The following COL23A1 variants were observed in gnomAD, a reference collection of about 807,000 sequenced individuals.
The protein encoded by COL23A1 is collagen type XXIII alpha 1 chain.
COL23A1 carries 97 observed loss-of-function variants against 99.3 expected under a neutral mutation model. The ratio of observed to expected loss-of-function variants is 0.98; its 90% CI spans 0.83 to 1.16. COL23A1 has a LOEUF of 1.16. Among genes scored for constraint, COL23A1 ranks in the 50% most tolerant of loss-of-function variants. The pLI is 0.00. For synonymous variants in COL23A1, 320 were observed against 308.2 expected (o/e 1.04, Z -0.40); for missense variants, 762 against 757.4 (o/e 1.01, Z -0.07).
Position 178,291,222 on chromosome 5 carries a change from C to T in COL23A1, c.407-853G>A, listed in dbSNP as rs546861919. Among the ~76,000 whole-genome samples, 5 of 152,262 alleles carry T rather than the reference C, an allele frequency of 3.3e-5. No homozygotes were observed. In the South Asian group the frequency reaches 1.0e-3, roughly 32 times the overall value. Reference sequence around the variant, plus strand: ...AACCTCACTCGAGAATGAGGCCACACGGGGAGGCAGCACCCGGCAGTCAGC... The same window carrying T: ...AACCTCACTCGAGAATGAGGCCACATGGGGAGGCAGCACCCGGCAGTCAGC... On this transcript the variant is annotated intron_variant, in intron 3 of 28. Coordinates refer to ENST00000390654, the MANE Select transcript of COL23A1 (RefSeq NM_173465.4).
At chr5:178,563,208 C>T (rs988859142) in intron 1 of COL23A1, among the ~76,000 whole-genome samples, 1 of 152,160 alleles carries the variant, frequency 6.6e-6, no homozygotes, top group African/African-American at 2.4e-5. Flanking sequence ...GCCAGGCTTC[C>T]AGCTTCCTGC....
In COL23A1 at chr5:178,560,583, T is replaced by G. The variant is rs1762506235; in HGVS notation, c.361+99A>C. 5.6e-6 allele frequency: 6 copies of G among 1,070,922 alleles called. No individual in the cohort carries two copies. In the Admixed American group the frequency reaches 1.5e-4, roughly 27 times the overall value. The allele number at this position is 1,070,922 out of a possible 1,614,324, so 66.3% of individuals were successfully genotyped here. Reference sequence around the variant, plus strand: ...AGGCCAGTGCACGAAGACGACAGCCTGACACCCCAGTCCACCTTCCGGACC... The same window carrying G: ...AGGCCAGTGCACGAAGACGACAGCCGGACACCCCAGTCCACCTTCCGGACC... On this transcript the variant is annotated intron_variant, in intron 2 of 28. Transcript: ENST00000390654.
chr5:178,311,951 G>A (rs1041251565), intron 2 of COL23A1, among the ~76,000 whole-genome samples: 14 of 151,748 alleles, frequency 9.2e-5, no homozygotes, highest in Non-Finnish European at 1.9e-4. Flanking sequence ...GGCTGGTCTC[G>A]AACTCCTGAC....
chr5:178,538,287 G>A (rs1255238664), intron 2 of COL23A1, among the ~76,000 whole-genome samples: 1 of 152,144 alleles, frequency 6.6e-6, no homozygotes, highest in Non-Finnish European at 1.5e-5. Context: ...CTACCTAACT[G>A]GAGTGAAAAG....
chr5:178,386,612 T>C (rs1375334617), intron 2 of COL23A1, among the ~76,000 whole-genome samples: 1 of 151,992 alleles, frequency 6.6e-6, no homozygotes, highest in Non-Finnish European at 1.5e-5. Flanking sequence ...GAGTGTTTGA[T>C]AAAGTGGGGG....
chr5:178,385,521 C>T (rs971287570), intron 2 of COL23A1, among the ~76,000 whole-genome samples: 3 of 152,228 alleles, frequency 2.0e-5, no homozygotes, highest in African/African-American at 7.2e-5. Flanking sequence ...CCTGGCCGGT[C>T]TCCTCCAGGA....
intron 2 of COL23A1, among the ~76,000 whole-genome samples, chr5:178,518,950 G>A (rs1167070367): frequency 5.7e-4 from 84 of 146,648 alleles, no homozygotes; most frequent in African/African-American, 2.0e-3. Flanking sequence ...GCGGTCGGTC[G>A]CGGCAGCGGC....
intron 2 of COL23A1, among the ~76,000 whole-genome samples, chr5:178,523,183 T>TAC (rs1760071791): frequency 5.4e-5 from 2 of 37,172 alleles, no homozygotes; most frequent in African/African-American, 7.6e-5. Flanking sequence ...TATATACACA[T>TAC]ATATATATAT....
chr5:178,543,420 T>C lies in COL23A1; in HGVS notation c.361+17262A>G, dbSNP rs531422996. Among the ~76,000 whole-genome samples, 10 of 152,296 alleles carry C rather than the reference T, an allele frequency of 6.6e-5. No individual in the cohort carries two copies. In the South Asian group the frequency reaches 1.7e-3, roughly 25 times the overall value. ...CCGCGCCTGACCTATAGTTGGTTTT[T>C]ATAACAGTCCTTTTTTAAAAAAATA... On this transcript the variant is annotated intron_variant, in intron 2 of 28. Transcript: ENST00000390654.
intron 2 of COL23A1, among the ~76,000 whole-genome samples, chr5:178,436,123 G>C (rs1196211671): frequency 6.6e-6 from 1 of 152,188 alleles, no homozygotes; most frequent in Admixed American, 6.5e-5. Context: ...GGCTGAGTGG[G>C]AGGGGAGAGG....
intron 11 of COL23A1, 59 bp from the exon 12 acceptor site, chr5:178,259,806 A>G: frequency 6.7e-7 from 1 of 1,503,562 alleles, no homozygotes. Flanking sequence ...AGTGGCCCGG[A>G]CCCCGGACCT....
intron 2 of COL23A1, among the ~76,000 whole-genome samples, chr5:178,447,029 C>A (rs190507080): frequency 1.3e-5 from 2 of 152,022 alleles, no homozygotes; most frequent in African/African-American, 4.8e-5. Context: ...TAGAATTACA[C>A]GTGATTATAT....
intron 2 of COL23A1, among the ~76,000 whole-genome samples, chr5:178,328,092 G>T (rs1269786942): frequency 6.6e-6 from 1 of 152,178 alleles, no homozygotes; most frequent in Non-Finnish European, 1.5e-5. Flanking sequence ...AACCCTGGGA[G>T]CTGGCAGACC....
intron 12 of COL23A1, among the ~76,000 whole-genome samples, chr5:178,258,236 AAT>A (rs70994992): frequency 0.17 from 11,867 of 71,738 alleles, 1,604 homozygotes; most frequent in Non-Finnish European, 0.19. Flanking sequence ...CCTGTCTTAA[AAT>A]ATATATATAT....
At position 178,517,568 on chromosome 5, in the gene COL23A1, G is replaced by GTTTTTTTTTTTTT. The variant is rs70997606; in HGVS notation, c.361+43113_361+43114insAAAAAAAAAAAAA. Among the ~76,000 whole-genome samples, 252 of 108,236 alleles carry GTTTTTTTTTTTTT rather than the reference G, an allele frequency of 2.3e-3. 53 individuals carry two copies. Among genetic ancestry groups the GTTTTTTTTTTTTT allele is most frequent in the African/African-American group, 7.7e-3 (201 of 25,942 alleles). The allele number at this position is 108,236 out of a possible 152,430, so 71.0% of individuals were successfully genotyped here. ...TCTCGGTGACAGCAGTTTTTTTTTT[G>GTTTTTTTTTTTTT]TTTTTTTTTTTGAGATGGAGTCTCA... On this transcript the variant is annotated intron_variant, in intron 2 of 28. Transcript: ENST00000390654.
At chr5:178,431,575 G>A (rs1766267898) in intron 2 of COL23A1, among the ~76,000 whole-genome samples, 1 of 152,226 alleles carries the variant, frequency 6.6e-6, no homozygotes, top group South Asian at 2.1e-4. Context: ...AGAAGTAGGC[G>A]ATGTGGCCAT....
chr5:178,329,780 T>C (rs926593345), intron 2 of COL23A1, among the ~76,000 whole-genome samples: 1 of 151,714 alleles, frequency 6.6e-6, no homozygotes, highest in Non-Finnish European at 1.5e-5. Flanking sequence ...CTACTAAAAA[T>C]ACAAAAATTA....
intron 2 of COL23A1, among the ~76,000 whole-genome samples, chr5:178,450,061 C>A (rs1767397696): frequency 6.6e-6 from 1 of 152,108 alleles, no homozygotes; most frequent in African/African-American, 2.4e-5. Flanking sequence ...CAAAGCCAGC[C>A]CCGGAGCAGG....
At position 178,279,373 on chromosome 5, in the gene COL23A1, T is replaced by C. The variant is rs570120179; in HGVS notation, c.441+8951A>G. On this transcript the variant is annotated intron_variant, in intron 5 of 28. Transcript: ENST00000390654. Reference sequence around the variant, plus strand: ...GCTCCAGTGCCCACCACAGATGCCCTTCCTGACCGGAGGATGTGCAGCCTT... The same window carrying C: ...GCTCCAGTGCCCACCACAGATGCCCCTCCTGACCGGAGGATGTGCAGCCTT... Among the ~76,000 whole-genome samples the C allele has an allele frequency of 2.0e-5, 3 of 152,322 alleles. No individual in the cohort carries two copies. In the South Asian group the frequency reaches 6.2e-4, roughly 32 times the overall value.
Sources: gnomAD v4.1 joint callset for allele counts (sites outside exome capture counted in the v4.1 genomes callset) on GRCh38, gnomAD v4.1.1 for gene constraint, MANE v1.5 for transcripts, NCBI Gene and HGNC (gene_info 2026-07-23, HGNC 2026-07-21) for gene names.